The following GPR107 variants were observed in gnomAD, a reference collection of about 807,000 sequenced individuals.
GPR107 encodes G protein-coupled receptor 107.
GPR107 carries 31 observed loss-of-function variants against 75.5 expected under a neutral mutation model. The ratio of observed to expected loss-of-function variants is 0.41; its 90% CI spans 0.31 to 0.55. The LOEUF (loss-of-function observed/expected upper bound fraction) is 0.55, where lower values mean the gene tolerates loss of function less well. GPR107 is among the 20% of genes least tolerant of loss of function. The pLI is 0.26. For missense variants in GPR107, 572 were observed against 665.7 expected, an observed-to-expected ratio of 0.86 and a Z score of 1.55; for synonymous variants, 267 against 251.3, an observed-to-expected ratio of 1.06 and a Z score of -0.59.
At position 130,138,835 on chromosome 9, in the gene GPR107, C is replaced by T. The variant is rs1156695837; in HGVS notation, c.*3714C>T. On this transcript the variant is annotated 3_prime_UTR_variant, in exon 18 of 18. Transcript: ENST00000347136. ...ACTCCAGGCATCCAGTCCTTACAGA[C>T]CAAGGAAGAGCATAGCGATGCCTGT... is the stretch of plus-strand genomic sequence containing the variant. The T allele has an allele frequency of 6.6e-6, 1 of 152,138 alleles. No individual in the cohort carries two copies. Among genetic ancestry groups the T allele is most frequent in the Non-Finnish European group, 1.5e-5 (1 of 68,070 alleles). 9.4% of individuals were successfully genotyped at this position (152,138 alleles called of 1,614,324 possible).
At position 130,123,938 on chromosome 9, in the gene GPR107, T is replaced by C. The variant is rs538461010; in HGVS notation, c.1307-977T>C. Among the ~76,000 whole-genome samples, 6 of 152,364 alleles carry C rather than the reference T, an allele frequency of 3.9e-5. No homozygotes were observed. In the South Asian group the frequency reaches 1.2e-3, roughly 32 times the overall value. ...GCTGCAGCCCCAGAGGCAGGTGTTG[T>C]ATCCTCTCAACTGTGAGACTTTCTG... On this transcript the variant is annotated intron_variant, in intron 14 of 17. Coordinates refer to ENST00000347136, the MANE Select transcript of GPR107 (RefSeq NM_020960.5).
At chr9:130,083,701 C>T (rs979591448) in intron 6 of GPR107, 99 bp downstream of exon 6, 7 of 632,246 alleles carry the variant, frequency 1.1e-5, no homozygotes, top group Non-Finnish European at 1.8e-5. Context: ...TATATACATA[C>T]ATGCATGCAC....
chr9:130,131,707 C>T (rs576764598), intron 17 of GPR107, among the ~76,000 whole-genome samples: 127 of 152,268 alleles, frequency 8.3e-4, no homozygotes, highest in African/African-American at 2.9e-3. Context: ...CACGGACATC[C>T]ACCCAGTCTC....
intron 1 of GPR107, among the ~76,000 whole-genome samples, chr9:130,063,897 C>T (rs551312842): frequency 3.6e-4 from 54 of 151,678 alleles, no homozygotes; most frequent in African/African-American, 1.2e-3. Context: ...CTCTATCTCC[C>T]AGATTCAAGT....
intron 15 of GPR107, among the ~76,000 whole-genome samples, chr9:130,125,179 A>G (rs567885098): frequency 3.7e-5 from 5 of 134,358 alleles, no homozygotes; most frequent in Admixed American, 8.6e-5. Context: ...GCTCACTGCA[A>G]TCTCCACTTC....
At position 130,090,943 on chromosome 9, in the gene GPR107, GA is replaced by G; in HGVS notation, c.693del (p.Glu232AsnfsTer66). On this transcript the variant is annotated frameshift_variant, in exon 8 of 18. Transcript: ENST00000347136. LOFTEE classifies it high-confidence loss of function. The stretch of plus-strand genomic sequence containing the variant: ...AGTCTTTATTTTCATAAATGCCTTG[GA>G]AAAGAATTGCCAAGTGACAAGTTTA... ...LYSLYFHKCLGKELPSDKFTF... is the reference protein window; with the variant it reads ...LYSLYFHKCLXKELPSDKFTF... 1 of 1,545,210 alleles carries G rather than the reference GA, an allele frequency of 6.5e-7. No homozygotes were observed.
intron 1 of GPR107, among the ~76,000 whole-genome samples, chr9:130,072,593 C>T (rs1360559734): frequency 1.3e-5 from 2 of 152,070 alleles, no homozygotes; most frequent in African/African-American, 4.8e-5. Flanking sequence ...TGCCATGAGC[C>T]ATCGTGCCCA....
At chr9:130,088,831 T>G (rs1830670710) in intron 7 of GPR107, among the ~76,000 whole-genome samples, 1 of 152,172 alleles carries the variant, frequency 6.6e-6, no homozygotes, top group South Asian at 2.1e-4. Flanking sequence ...CTTTTCTCTC[T>G]TCCTTCTCTC....
intron 6 of GPR107, among the ~76,000 whole-genome samples, chr9:130,085,315 G>C (rs1589499898): frequency 6.6e-6 from 1 of 152,256 alleles, no homozygotes; most frequent in African/African-American, 2.4e-5. Context: ...GAGGGAAAGA[G>C]AGGAGCAGAG....
chr9:130,077,264 A>G (rs1830373346), intron 3 of GPR107, 35 bp from the exon 4 acceptor site: 3 of 1,051,900 alleles, frequency 2.9e-6, no homozygotes, highest in Non-Finnish European at 4.5e-6. Context: ...GTGTGAATGA[A>G]TAAGATGATG....
chr9:130,133,776 A>T (rs1831887189), intron 17 of GPR107, among the ~76,000 whole-genome samples: 1 of 152,230 alleles, frequency 6.6e-6, no homozygotes, highest in Non-Finnish European at 1.5e-5. Flanking sequence ...ATAAGTACAA[A>T]TAACCTGTGA....
rs1832053117 is a variant in GPR107 at position 130,139,793 on chromosome 9, G to A, written c.*4672G>A. Reference sequence around the variant, plus strand: ...TGAGCCTCCAGAAGGTCAGCCTTTGGAGCACGTAAGATACTGTTACAGGGT... The same window carrying A: ...TGAGCCTCCAGAAGGTCAGCCTTTGAAGCACGTAAGATACTGTTACAGGGT... On this transcript the variant is annotated 3_prime_UTR_variant, in exon 18 of 18. Coordinates refer to ENST00000347136, the MANE Select transcript of GPR107 (RefSeq NM_020960.5). 6.6e-6 allele frequency: 1 copy of A among 152,244 alleles called. No individual in the cohort carries two copies. 9.4% of individuals were successfully genotyped at this position (152,244 alleles called of 1,614,324 possible). A position where few individuals can be genotyped will look rare whatever the true frequency, so the allele number is the denominator to read the frequency against.
intron 1 of GPR107, among the ~76,000 whole-genome samples, chr9:130,057,897 C>T (rs1344162351): frequency 1.3e-5 from 2 of 150,960 alleles, no homozygotes; most frequent in African/African-American, 4.9e-5. Context: ...ATGGCGCGAT[C>T]TCAGCTTACA....
intron 15 of GPR107, among the ~76,000 whole-genome samples, chr9:130,125,924 G>T (rs766443341): frequency 6.6e-6 from 1 of 151,818 alleles, no homozygotes; most frequent in Non-Finnish European, 1.5e-5. Context: ...GCATGGTGGC[G>T]TGTGCTTGTA....
intron 9 of GPR107, 147 bp downstream of exon 9, chr9:130,092,528 C>A: frequency 1.5e-6 from 1 of 683,932 alleles, no homozygotes; most frequent in Non-Finnish European, 2.6e-6. Context: ...GAAGATTGTG[C>A]GGGAGCATTA....
intron 4 of GPR107, 32 bp from the exon 5 acceptor site, chr9:130,079,598 A>C (rs1830444247): frequency 1.2e-6 from 2 of 1,607,974 alleles, no homozygotes; most frequent in Non-Finnish European, 1.7e-6. Flanking sequence ...CACTGCTTTG[A>C]CCTTTTTTCC....
intron 5 of GPR107, among the ~76,000 whole-genome samples, chr9:130,082,361 G>A (rs539180): frequency 0.34 from 51,007 of 151,934 alleles, 8,701 homozygotes; most frequent in Non-Finnish European, 0.39. Flanking sequence ...CTTCTTGTCT[G>A]GCTTCTTTGT....
chr9:130,106,291 G>T (rs761197061), intron 13 of GPR107, among the ~76,000 whole-genome samples: 5 of 151,942 alleles, frequency 3.3e-5, no homozygotes, highest in Admixed American at 3.3e-4. Flanking sequence ...TACTGGAGAG[G>T]TGATTCAAGA....
At chr9:130,115,989 G>A (rs895400879) in intron 14 of GPR107, among the ~76,000 whole-genome samples, 1 of 152,136 alleles carries the variant, frequency 6.6e-6, no homozygotes, top group African/African-American at 2.4e-5. Context: ...CTTTTCCTTA[G>A]CAGATTGCAC....
Sources: allele counts gnomAD v4.1 joint callset (sites outside exome capture counted in the v4.1 genomes callset), GRCh38; gene constraint gnomAD v4.1.1; transcripts MANE v1.5; gene names NCBI Gene and HGNC (gene_info 2026-07-23, HGNC 2026-07-21).